Variants in LPP observed in about 807,000 individuals in gnomAD.
LPP encodes the protein LIM domain containing preferred translocation partner in lipoma.
LPP carries 38 observed loss-of-function variants against 60.4 expected under a neutral mutation model. The observed-to-expected ratio is 0.63, with a 90% CI of 0.49 to 0.83. The LOEUF is 0.83. LPP is among the 40% of genes least tolerant of loss of function. The pLI, the probability that LPP is intolerant of heterozygous loss-of-function variation, is 0.00. For synonymous variants in LPP, 328 were observed against 290.8 expected (o/e 1.13, Z -1.30); for missense variants, 902 against 783.6 (o/e 1.15, Z -1.80).
chr3:188,548,138 G>A (rs1478326191), intron 6 of LPP, among the ~76,000 whole-genome samples: 1 of 152,200 alleles, frequency 6.6e-6, no homozygotes, highest in Non-Finnish European at 1.5e-5. Flanking sequence ...GTAACAGAGA[G>A]AATAAAAGAA....
chr3:188,164,375 A>G (rs1435036113), intron 1 of LPP, among the ~76,000 whole-genome samples: 1 of 152,214 alleles, frequency 6.6e-6, no homozygotes, highest in African/African-American at 2.4e-5. Flanking sequence ...ATGCTCTACT[A>G]AACTCTGTGC....
intron 3 of LPP, among the ~76,000 whole-genome samples, chr3:188,392,837 C>G (rs1231458761): frequency 1.3e-5 from 2 of 152,152 alleles, no homozygotes; most frequent in Non-Finnish European, 2.9e-5. Context: ...CACAAGGCAA[C>G]TGCACGTGGA....
intron 2 of LPP, among the ~76,000 whole-genome samples, chr3:188,331,019 A>T (rs949003884): frequency 6.6e-6 from 1 of 151,958 alleles, no homozygotes; most frequent in African/African-American, 2.4e-5. Context: ...TGAGACTTCT[A>T]CATTTGTTTT....
chr3:188,848,401 G>T (rs529200299), intron 9 of LPP, among the ~76,000 whole-genome samples: 1 of 152,116 alleles, frequency 6.6e-6, no homozygotes. Context: ...TACTGATGTC[G>T]CACTCTTGCT....
intron 7 of LPP, among the ~76,000 whole-genome samples, chr3:188,699,491 T>A (rs1577083182): frequency 6.6e-6 from 1 of 152,308 alleles, no homozygotes; most frequent in Middle Eastern, 3.4e-3. Context: ...AAAGGGAATA[T>A]GAGGAAGTAG....
At chr3:188,250,075 C>G (rs1728610071) in intron 2 of LPP, among the ~76,000 whole-genome samples, 1 of 152,126 alleles carries the variant, frequency 6.6e-6, no homozygotes, top group African/African-American at 2.4e-5. Flanking sequence ...AGTCTACTGT[C>G]TGTACTTCTC....
chr3:188,791,491 T>G (rs1743737192), intron 9 of LPP, among the ~76,000 whole-genome samples: 1 of 152,214 alleles, frequency 6.6e-6, no homozygotes, highest in African/African-American at 2.4e-5. Flanking sequence ...ATGTATGTTC[T>G]GAATGAATAG....
chr3:188,168,189 A>G (rs964937586), intron 1 of LPP, among the ~76,000 whole-genome samples: 1 of 152,264 alleles, frequency 6.6e-6, no homozygotes, highest in African/African-American at 2.4e-5. Context: ...ATGAAGAAAA[A>G]AATAAATGAA....
intron 9 of LPP, among the ~76,000 whole-genome samples, chr3:188,861,826 A>G (rs534365795): frequency 4.6e-5 from 7 of 152,364 alleles, no homozygotes; most frequent in African/African-American, 1.4e-4. Flanking sequence ...TGTATTGCCA[A>G]CATTTCAGAA....
At chr3:188,509,082 A>G (rs1361168855) in intron 5 of LPP, among the ~76,000 whole-genome samples, 1 of 152,114 alleles carries the variant, frequency 6.6e-6, no homozygotes, top group Non-Finnish European at 1.5e-5. Flanking sequence ...AAACTCCAGT[A>G]TTTTCTTATT....
intron 8 of LPP, among the ~76,000 whole-genome samples, chr3:188,718,047 C>G (rs1412217607): frequency 6.6e-6 from 1 of 152,146 alleles, no homozygotes; most frequent in Admixed American, 6.5e-5. Flanking sequence ...TCTCGAACTC[C>G]CGACCTCAGG....
intron 4 of LPP, among the ~76,000 whole-genome samples, chr3:188,439,977 A>T (rs1793375975): frequency 6.6e-6 from 1 of 152,002 alleles, no homozygotes; most frequent in African/African-American, 2.4e-5. Flanking sequence ...CCCCACCCTC[A>T]CTCATACACA....
rs1769705729 is a variant in LPP at position 188,879,715 on chromosome 3, A to T, written c.*5236A>T. Reference sequence around the variant, plus strand: ...TTATTTTATTCCATTGCAGCTTGATAACTTTCCTTATAGCAAAGGAATAAC... The same window carrying T: ...TTATTTTATTCCATTGCAGCTTGATTACTTTCCTTATAGCAAAGGAATAAC... On this transcript the variant is annotated 3_prime_UTR_variant, in exon 12 of 12. Coordinates refer to ENST00000617246, the MANE Select transcript of LPP (RefSeq NM_001375462.1). 2 of 181,412 alleles carry T rather than the reference A, an allele frequency of 1.1e-5. No individual in the cohort carries two copies. Among genetic ancestry groups the T allele is most frequent in the South Asian group, 3.9e-4 (2 of 5,096 alleles). 11.2% of individuals were successfully genotyped at this position (181,412 alleles called of 1,614,324 possible). A position where few individuals can be genotyped will look rare whatever the true frequency, so the allele number is the denominator to read the frequency against.
intron 4 of LPP, among the ~76,000 whole-genome samples, chr3:188,418,542 C>T (rs1280087341): frequency 6.6e-6 from 1 of 152,162 alleles, no homozygotes; most frequent in African/African-American, 2.4e-5. Context: ...AGCTGTTCCT[C>T]AGCAGTACAC....
intron 1 of LPP, among the ~76,000 whole-genome samples, chr3:188,219,368 G>A (rs144942280): frequency 6.6e-4 from 100 of 152,202 alleles, no homozygotes; most frequent in African/African-American, 2.2e-3. Context: ...GCCGGGGCCC[G>A]GAATTTAATA....
intron 6 of LPP, among the ~76,000 whole-genome samples, chr3:188,532,401 G>T (rs1049973155): frequency 4.0e-5 from 6 of 150,792 alleles, no homozygotes; most frequent in African/African-American, 1.5e-4. Flanking sequence ...CTCCAGCCTG[G>T]GCAACAGAGC....
At chr3:188,344,300 C>A (rs759082298) in intron 3 of LPP, among the ~76,000 whole-genome samples, 2 of 152,124 alleles carry the variant, frequency 1.3e-5, no homozygotes, top group African/African-American at 4.8e-5. Flanking sequence ...AATCAGTTAC[C>A]GTTTTTTGAA....
intron 7 of LPP, among the ~76,000 whole-genome samples, chr3:188,638,302 C>A (rs1849274468): frequency 6.7e-6 from 1 of 149,872 alleles, no homozygotes; most frequent in Non-Finnish European, 1.5e-5. Flanking sequence ...AGGCCTTTGA[C>A]AAAATTCAAC....
chr3:188,860,135 A>G (rs1446142640), intron 9 of LPP, among the ~76,000 whole-genome samples: 2 of 151,954 alleles, frequency 1.3e-5, no homozygotes, highest in Admixed American at 6.6e-5. Flanking sequence ...TATCTAGTAT[A>G]GGGTCATTAG....
Sources: gnomAD v4.1 joint callset for allele counts (sites outside exome capture counted in the v4.1 genomes callset) on GRCh38, gnomAD v4.1.1 for gene constraint, MANE v1.5 for transcripts, NCBI Gene and HGNC (gene_info 2026-07-23, HGNC 2026-07-21) for gene names.